Variants in CFH observed in about 807,000 individuals in gnomAD.
CFH encodes complement factor H, also known as H factor 1 (complement).
A neutral mutation model predicts 147.3 loss-of-function variants in CFH; 53 were observed. The observed-to-expected ratio is 0.36, with a 90% CI of 0.29 to 0.45. The LOEUF (loss-of-function observed/expected upper bound fraction) is 0.45, where lower values mean the gene tolerates loss of function less well. Among genes scored for constraint, CFH ranks in the 20% least tolerant of loss-of-function variants. The pLI is 1.00. For missense variants in CFH, 1,380 were observed against 1,498.0 expected (o/e 0.92, Z 1.30); for synonymous variants, 536 against 489.4 (o/e 1.10, Z -1.26).
chr1:196,725,076 A>T, intron 11 of CFH, 45 bp from the exon 12 acceptor site: 2 of 1,528,034 alleles, frequency 1.3e-6, no homozygotes, highest in Non-Finnish European at 1.8e-6. Context: ...AACTTTGGCA[A>T]TGATTAATTA....
chr1:196,686,369 A>G (rs1667828079), intron 7 of CFH, among the ~76,000 whole-genome samples: 1 of 152,100 alleles, frequency 6.6e-6, no homozygotes, highest in Admixed American at 6.6e-5. Flanking sequence ...TCCAAGTCTT[A>G]GTCATTTCCT....
Position 196,677,655 on chromosome 1 carries a change from C to G in CFH, c.607C>G (p.Pro203Ala). 3 of 1,612,672 alleles carry G rather than the reference C, an allele frequency of 1.9e-6. No homozygotes were observed. Among genetic ancestry groups the G allele is most frequent in the Non-Finnish European group, 2.5e-6 (3 of 1,179,058 alleles). Residue 203 changes from proline to alanine, a missense_variant, in exon 5 of 22, where the codon CCA becomes GCA. Pro to Ala is a conservative substitution (Grantham distance 27). Transcript: ENST00000367429. ...SDDGFWSKEK[P>A]KCVEISCKSP... The stretch of plus-strand genomic sequence containing the variant: ...CGATGGTTTTTGGAGTAAAGAGAAA[C>G]CAAAGTGTGTGGGTAAGATACACTT...
intron 9 of CFH, among the ~76,000 whole-genome samples, chr1:196,710,855 C>T (rs530254655): frequency 3.4e-4 from 52 of 151,936 alleles, no homozygotes; most frequent in African/African-American, 9.9e-4. Flanking sequence ...CATCCATCAA[C>T]GAAAAATTCA....
chr1:196,693,481 G>A (rs977153577), intron 9 of CFH, among the ~76,000 whole-genome samples: 6 of 152,126 alleles, frequency 3.9e-5, no homozygotes, highest in East Asian at 3.9e-4. Context: ...GTAAATGCCC[G>A]AAATGATTAA....
chr1:196,695,090 C>T (rs1341257368), intron 9 of CFH, among the ~76,000 whole-genome samples: 1 of 152,150 alleles, frequency 6.6e-6, no homozygotes, highest in African/African-American at 2.4e-5. Context: ...ATGCCTATGT[C>T]CTGAATAACC....
At chr1:196,696,035 C>T (rs1036248230) in intron 9 of CFH, among the ~76,000 whole-genome samples, 11 of 152,074 alleles carry the variant, frequency 7.2e-5, no homozygotes, top group African/African-American at 2.7e-4. Context: ...ACTCCCAATA[C>T]TATGTCCATC....
At chr1:196,689,333 A>T in intron 7 of CFH, 87 bp from the exon 8 acceptor site, 2 of 1,221,298 alleles carry the variant, frequency 1.6e-6, no homozygotes, top group South Asian at 2.7e-5. Flanking sequence ...AGAAGAGAAT[A>T]TAATTCAGTG....
intron 10 of CFH, among the ~76,000 whole-genome samples, chr1:196,714,669 A>ATATATATATATATATG (rs1491279313): frequency 9.4e-5 from 2 of 21,240 alleles, no homozygotes; most frequent in African/African-American, 2.9e-4. Context: ...ATATATATAT[A>ATATATATATATATATG]GAGAGAGAGA....
At chr1:196,742,263 C>T (rs560906905) in intron 19 of CFH, among the ~76,000 whole-genome samples, 89 of 152,196 alleles carry the variant, frequency 5.8e-4, no homozygotes, top group African/African-American at 2.1e-3. Context: ...GAAGTCCCAG[C>T]TACTTGGGAG....
Position 196,667,362 on chromosome 1 carries a change from G to A in CFH, c.59-5616G>A, listed in dbSNP as rs114258184. Among the ~76,000 whole-genome samples, 1,188 of 152,256 alleles carry A rather than the reference G, an allele frequency of 7.8e-3. 16 individuals carry two copies. The highest frequency in any genetic ancestry group is 0.027 in the African/African-American group (1,142 of 41,546). Reference sequence around the variant, plus strand: ...GGCTCCTATGAGTCAGTATGAGCCAGCTCCAGCAAACATTGTTCAGACACA... The same window carrying A: ...GGCTCCTATGAGTCAGTATGAGCCAACTCCAGCAAACATTGTTCAGACACA... On this transcript the variant is annotated intron_variant, in intron 1 of 21. Coordinates refer to ENST00000367429, the MANE Select transcript of CFH (RefSeq NM_000186.4).
chr1:196,696,975 C>G (rs1318501636), intron 9 of CFH, among the ~76,000 whole-genome samples: 1 of 152,104 alleles, frequency 6.6e-6, no homozygotes, highest in Non-Finnish European at 1.5e-5. Flanking sequence ...AAACTGGATC[C>G]CTTCGTTACA....
At chr1:196,735,654 G>C (rs887010548) in intron 15 of CFH, among the ~76,000 whole-genome samples, 2 of 151,844 alleles carry the variant, frequency 1.3e-5, no homozygotes, top group Admixed American at 1.3e-4. Flanking sequence ...AAGGTAGACA[G>C]GAATGTACAC....
At position 196,657,395 on chromosome 1, in the gene CFH, G is replaced by T. The variant is rs185721663; in HGVS notation, c.58+5220G>T. Among the ~76,000 whole-genome samples, 3 of 152,084 alleles carry T rather than the reference G, an allele frequency of 2.0e-5. No individual in the cohort carries two copies. The East Asian group carries it at 5.8e-4, about 29-fold the overall frequency. On this transcript the variant is annotated intron_variant, in intron 1 of 21. Coordinates refer to ENST00000367429, the MANE Select transcript of CFH (RefSeq NM_000186.4). ...GACCAATATGTGCTTGAACTTCAGG[G>T]GTCTGCTTACTATGTGAATTTGTTT...
At chr1:196,723,780 T>C (rs1478477078) in intron 11 of CFH, among the ~76,000 whole-genome samples, 2 of 152,124 alleles carry the variant, frequency 1.3e-5, no homozygotes, top group East Asian at 3.9e-4. Context: ...GAGATACCCG[T>C]AGCTTGTCTT....
chr1:196,724,250 G>C (rs971431399), intron 11 of CFH, among the ~76,000 whole-genome samples: 1 of 151,940 alleles, frequency 6.6e-6, no homozygotes, highest in African/African-American at 2.4e-5. Flanking sequence ...GCAGGTGACA[G>C]GGAATATTTG....
At chr1:196,735,186 T>C (rs1669372165) in intron 15 of CFH, among the ~76,000 whole-genome samples, 1 of 152,184 alleles carries the variant, frequency 6.6e-6, no homozygotes, top group Admixed American at 6.5e-5. Flanking sequence ...TCTTGTGGTT[T>C]GTCTGTTGAT....
At chr1:196,704,187 C>T (rs1281003368) in intron 9 of CFH, among the ~76,000 whole-genome samples, 6 of 152,024 alleles carry the variant, frequency 3.9e-5, no homozygotes, top group Non-Finnish European at 5.9e-5. Flanking sequence ...CTCCACCTCA[C>T]GAGCTAAAGC....
Position 196,677,524 on chromosome 1 carries a change from G to A in CFH, c.476G>A (p.Ser159Asn), listed in dbSNP as rs370640334. ...VTAPENGKIV[S>N]SAMEPDREYH... Reference sequence around the variant, plus strand: ...GCACCAGAGAATGGAAAAATTGTCAGTAGTGCAATGGAACCAGATCGGGAA... The same window carrying A: ...GCACCAGAGAATGGAAAAATTGTCAATAGTGCAATGGAACCAGATCGGGAA... The change falls in exon 5 of 22, where the codon AGT (serine) becomes AAT (asparagine). Residue 159 changes from serine (S) to asparagine (N), a missense_variant. Ser to Asn is a conservative substitution (Grantham distance 46, BLOSUM62 1). Transcript: ENST00000367429. The A allele has an allele frequency of 1.3e-4, 216 of 1,613,060 alleles. No individual in the cohort carries two copies. Among genetic ancestry groups the A allele is most frequent in the Non-Finnish European group, 1.7e-4 (199 of 1,179,410 alleles).
At chr1:196,735,442 A>G (rs1246262895) in intron 15 of CFH, among the ~76,000 whole-genome samples, 1 of 152,128 alleles carries the variant, frequency 6.6e-6, no homozygotes, top group East Asian at 1.9e-4. Flanking sequence ...AATGTTCTTC[A>G]AATTTATTTG....
Sources: gnomAD v4.1 joint callset for allele counts (sites outside exome capture counted in the v4.1 genomes callset) on GRCh38, gnomAD v4.1.1 for gene constraint, MANE v1.5 for transcripts, NCBI Gene and HGNC (gene_info 2026-07-23, HGNC 2026-07-21) for gene names.